Variants in ZNF451 observed in about 807,000 individuals in gnomAD.
The protein encoded by ZNF451 is E3 SUMO-protein ligase ZNF451.
Under a neutral mutation model 107.1 loss-of-function variants are expected in ZNF451, and 80 were observed. The ratio of observed to expected loss-of-function variants is 0.75; its 90% CI spans 0.62 to 0.90. The LOEUF is 0.90. Ranked by LOEUF, ZNF451 falls within the 40% of genes least tolerant of loss-of-function variation. The probability of loss-of-function intolerance (pLI) is 0.00; values close to 1 mark genes in which losing one functional copy is unlikely to be tolerated. For synonymous variants in ZNF451, 362 were observed against 406.5 expected, an observed-to-expected ratio of 0.89 and a Z score of 1.32; for missense variants, 1,107 against 1,236.2, an observed-to-expected ratio of 0.90 and a Z score of 1.57.
intron 3 of ZNF451, chr6:57,114,928 T>C (rs1830293654): frequency 1.3e-5 from 2 of 152,198 alleles, no homozygotes. Context: ...TTCTAGATTT[T>C]ATTCATATAT....
chr6:57,124,791 C>G lies in ZNF451; in HGVS notation c.244C>G (p.Leu82Val). 1 of 1,609,984 alleles carries G rather than the reference C, an allele frequency of 6.2e-7. No homozygotes were observed. Among genetic ancestry groups the G allele is most frequent in the Non-Finnish European group, 8.5e-7 (1 of 1,176,708 alleles). ...DYQKDKVALT[L>V]ARLARHVEVE... ...TCAGAAGGATAAAGTTGCTTTAACTCTGGCTCGTCTAGCCCGCCATGTTGA... is the reference window on the plus strand; with the variant it reads ...TCAGAAGGATAAAGTTGCTTTAACTGTGGCTCGTCTAGCCCGCCATGTTGA... Residue 82 changes from leucine to valine, a missense_variant, in exon 4 of 15, where the codon CTG becomes GTG. This residue lies in a region of ZNF451 where 339 missense variants were observed against 372.8 expected (regional missense o/e 0.91). Transcript: ENST00000370706.
intron 3 of ZNF451, among the ~76,000 whole-genome samples, chr6:57,124,199 T>TA (rs1252999524): frequency 6.6e-6 from 1 of 152,334 alleles, no homozygotes; most frequent in Non-Finnish European, 1.5e-5. Context: ...TGAGAGTTTT[T>TA]ATCATGAGTG....
chr6:57,139,359 A>G (rs1031714362), intron 7 of ZNF451, among the ~76,000 whole-genome samples: 7 of 152,180 alleles, frequency 4.6e-5, no homozygotes, highest in African/African-American at 1.7e-4. Context: ...TCATTTCTAA[A>G]CAATGAAAAT....
At chr6:57,107,697 C>G in intron 3 of ZNF451, 1 of 985,282 alleles carries the variant, frequency 1.0e-6, no homozygotes. Flanking sequence ...TTTTGTGGTA[C>G]CTTGTCAAGA....
rs781394798 is a variant in ZNF451 at position 57,124,942 on chromosome 6, GAT to G, written c.312+86_312+87del. 2.5e-5 allele frequency: 25 copies of G among 984,364 alleles called. No homozygotes were observed. In the East Asian group the frequency reaches 7.0e-4, roughly 27 times the overall value. The allele number at this position is 984,364 out of a possible 1,614,324, so 61.0% of individuals were successfully genotyped here. A position where few individuals can be genotyped will look rare whatever the true frequency, so the allele number is the denominator to read the frequency against. ...GGTAAAAAGCCTTTAATCAAAAAAA[GAT>G]ATGATTTAATCAAAGCTCAGTATGT... On this transcript the variant is annotated intron_variant, in intron 4 of 14. Coordinates refer to ENST00000370706, the MANE Select transcript of ZNF451 (RefSeq NM_001031623.3).
chr6:57,148,486 C>G lies in ZNF451; in HGVS notation c.2401C>G (p.Pro801Ala), dbSNP rs766378790. 2.0e-5 allele frequency: 32 copies of G among 1,613,966 alleles called. 1 individual carries two copies. The South Asian group carries it at 3.5e-4, about 18-fold the overall frequency. The change falls in exon 10 of 15, where the codon CCT becomes GCT. Residue 801 changes from proline to alanine, a missense_variant. Around this residue, in one of 5 missense-constraint regions of ZNF451, gnomAD observed 608 missense variants for 649.2 expected, o/e 0.94. Coordinates refer to ENST00000370706, the MANE Select transcript of ZNF451 (RefSeq NM_001031623.3). ...CACCTGCACCAAAGCATTTCATGAT[C>G]CTGAGAGTGCACAGCAGCATTTCCA... The part of the protein sequence containing the change: ...CGTCTKAFHD[P>A]ESAQQHFHRK...
chr6:57,131,793 T>A (rs969869920), intron 5 of ZNF451, among the ~76,000 whole-genome samples: 1 of 152,230 alleles, frequency 6.6e-6, no homozygotes, highest in Non-Finnish European at 1.5e-5. Context: ...TATGAAATAT[T>A]CAAAGCATTT....
intron 3 of ZNF451, chr6:57,108,977 A>G: frequency 3.0e-6 from 3 of 985,426 alleles, no homozygotes; most frequent in Non-Finnish European, 3.6e-6. Flanking sequence ...TCAAAGCCCC[A>G]TTCAAGTTTT....
At chr6:57,113,225 G>A (rs899323965) in intron 3 of ZNF451, among the ~76,000 whole-genome samples, 2 of 151,896 alleles carry the variant, frequency 1.3e-5, no homozygotes, top group Non-Finnish European at 2.9e-5. Context: ...ACTTATAAGT[G>A]AGAACATGCA....
rs1269017324 is a variant in ZNF451, at chr6:57,141,937, T to A, written c.857-11T>A. 6.2e-7 allele frequency: 1 copy of A among 1,610,432 alleles called. No homozygotes were observed. The highest frequency in any genetic ancestry group is 1.3e-5 in the African/African-American group (1 of 74,884). On this transcript the variant is annotated splice_polypyrimidine_tract_variant and intron_variant, in intron 8 of 14. Transcript: ENST00000370706. Reference sequence around the variant, plus strand: ...ATAACTTTGCAAATTATAGTTTATTTTGTCTTTCAGATAACAAAGGAATTG... The same window carrying A: ...ATAACTTTGCAAATTATAGTTTATTATGTCTTTCAGATAACAAAGGAATTG...
intron 10 of ZNF451, among the ~76,000 whole-genome samples, chr6:57,149,501 TC>T (rs1832246556): frequency 2.0e-5 from 3 of 152,154 alleles, no homozygotes; most frequent in Admixed American, 1.3e-4. Flanking sequence ...TGTTTTAGCC[TC>T]CCCAAGTGTT....
chr6:57,119,480 C>T (rs181753916), intron 3 of ZNF451, among the ~76,000 whole-genome samples: 6 of 152,034 alleles, frequency 3.9e-5, no homozygotes, highest in African/African-American at 1.2e-4. Flanking sequence ...GCCGAGATCG[C>T]GCCACTGCAC....
At chr6:57,128,963 A>G (rs1439867230) in intron 5 of ZNF451, 123 bp downstream of exon 5, 1 of 628,640 alleles carries the variant, frequency 1.6e-6, no homozygotes, top group African/African-American at 1.9e-5. Context: ...CAGTGATACT[A>G]ATATCACCTC....
intron 3 of ZNF451, chr6:57,102,482 T>C (rs1489954543): frequency 1.0e-6 from 1 of 994,196 alleles, no homozygotes; most frequent in Non-Finnish European, 1.2e-6. Flanking sequence ...AATCTAGAAA[T>C]AATACTAGAT....
At chr6:57,108,710 A>AAT in intron 3 of ZNF451, 3 of 985,404 alleles carry the variant, frequency 3.0e-6, no homozygotes, top group Non-Finnish European at 3.6e-6. Context: ...GAAGCATGTT[A>AAT]ATATCCGTGT....
At chr6:57,142,329 T>C (rs1831811068) in intron 9 of ZNF451, among the ~76,000 whole-genome samples, 1 of 152,048 alleles carries the variant, frequency 6.6e-6, no homozygotes, top group Non-Finnish European at 1.5e-5. Flanking sequence ...TGTATGTTCT[T>C]CTGTGTGTGT....
chr6:57,148,784 G>T (rs1022440064), intron 10 of ZNF451, 91 bp downstream of exon 10: 7 of 1,242,746 alleles, frequency 5.6e-6, no homozygotes, highest in Non-Finnish European at 7.7e-6. Flanking sequence ...CAAGAAACAG[G>T]GTAACTTCTT....
chr6:57,126,723 C>T (rs768820392), intron 4 of ZNF451: 4 of 152,110 alleles, frequency 2.6e-5, no homozygotes, highest in Non-Finnish European at 4.4e-5. Flanking sequence ...TGGTTTGAGA[C>T]AAGCTTGGCC....
At chr6:57,138,322 G>T (rs1262472537) in intron 7 of ZNF451, among the ~76,000 whole-genome samples, 1 of 151,308 alleles carries the variant, frequency 6.6e-6, no homozygotes, top group Non-Finnish European at 1.5e-5. Flanking sequence ...GAGTGCAGTG[G>T]TGCAGTTTCG....
Sources: gnomAD v4.1 joint callset for allele counts (sites outside exome capture counted in the v4.1 genomes callset) on GRCh38, gnomAD v4.1.1 for gene constraint, gnomAD v4.1.1 regional missense constraint, MANE v1.5 for transcripts, NCBI Gene and HGNC (gene_info 2026-07-23, HGNC 2026-07-21) for gene names.